The following CFAP20DC variants were observed in gnomAD, a reference collection of about 807,000 sequenced individuals.
The protein encoded by CFAP20DC is CFAP20 domain containing.
A neutral mutation model predicts 101.7 loss-of-function variants in CFAP20DC; 84 were observed. The ratio of observed to expected loss-of-function variants is 0.83; its 90% CI spans 0.69 to 0.99. The LOEUF (loss-of-function observed/expected upper bound fraction) is 0.99, where lower values mean the gene tolerates loss of function less well. Among genes scored for constraint, CFAP20DC ranks in the 50% least tolerant of loss-of-function variants. The pLI, the probability that CFAP20DC is intolerant of heterozygous loss-of-function variation, is 0.00. For missense variants in CFAP20DC, 1,007 were observed against 970.3 expected (o/e 1.04, Z -0.50); for synonymous variants, 359 against 351.2 (o/e 1.02, Z -0.25).
In CFAP20DC at chr3:58,791,306, A is replaced by T. The variant is rs9882787; in HGVS notation, c.2237+15089T>A. On this transcript the variant is annotated intron_variant, in intron 15 of 16. Coordinates refer to ENST00000482387, the MANE Select transcript of CFAP20DC (RefSeq NM_001394063.1). ...TGCCAGGCCCTATGCAAAACATGTT[A>T]TGAGTATTATTTCATTTAATCTTTG... is the stretch of plus-strand genomic sequence containing the variant. 9.9e-3 allele frequency among the ~76,000 whole-genome samples: 1,501 copies of T among 152,292 alleles called. 23 individuals are homozygous for T. The highest frequency in any genetic ancestry group is 0.035 in the African/African-American group (1,458 of 41,556).
chr3:58,802,770 C>T (rs760441878), intron 15 of CFAP20DC, among the ~76,000 whole-genome samples: 2 of 152,154 alleles, frequency 1.3e-5, no homozygotes, highest in Non-Finnish European at 2.9e-5. Flanking sequence ...ATATGCAGCA[C>T]TTTAGCTATT....
chr3:58,814,846 G>C (rs1043281108), intron 14 of CFAP20DC, among the ~76,000 whole-genome samples: 41 of 150,532 alleles, frequency 2.7e-4, no homozygotes, highest in African/African-American at 8.9e-4. Context: ...CACTGCTCAA[G>C]GAAATAAAAG....
chr3:58,809,488 T>A (rs1304967962), intron 14 of CFAP20DC, among the ~76,000 whole-genome samples: 1 of 152,020 alleles, frequency 6.6e-6, no homozygotes, highest in Non-Finnish European at 1.5e-5. Flanking sequence ...GAAATAAAGA[T>A]GTTCTTTGAA....
At chr3:58,832,475 TA>T (rs933237183) in intron 13 of CFAP20DC, among the ~76,000 whole-genome samples, 7 of 152,118 alleles carry the variant, frequency 4.6e-5, no homozygotes, top group African/African-American at 1.7e-4. Context: ...GTTTTTTTTT[TA>T]AATTTGCCAT....
intron 3 of CFAP20DC, chr3:58,734,672 A>G (rs1242130169): frequency 2.3e-6 from 1 of 431,586 alleles, no homozygotes; most frequent in Non-Finnish European, 4.7e-6. Context: ...AGTTCCCTCT[A>G]ACTTGGTGAT....
chr3:58,984,126 G>A (rs2092676572), intron 4 of CFAP20DC, among the ~76,000 whole-genome samples: 1 of 152,210 alleles, frequency 6.6e-6, no homozygotes, highest in Non-Finnish European at 1.5e-5. Flanking sequence ...GAAGAATCCA[G>A]TTGGCAGGAC....
chr3:59,041,165 A>G (rs1486330120), intron 3 of CFAP20DC, among the ~76,000 whole-genome samples: 22 of 152,146 alleles, frequency 1.4e-4, no homozygotes, highest in Non-Finnish European at 1.5e-5. Context: ...AGAGAACAGC[A>G]GGATAAGTGA....
intron 13 of CFAP20DC, among the ~76,000 whole-genome samples, chr3:58,842,413 TG>T (rs746411179): frequency 6.0e-4 from 92 of 152,218 alleles, no homozygotes; most frequent in Middle Eastern, 3.4e-3. Flanking sequence ...CAGACGCACC[TG>T]GAAAATCGGG....
chr3:58,871,886 C>T (rs539841476), intron 7 of CFAP20DC, among the ~76,000 whole-genome samples: 6 of 152,130 alleles, frequency 3.9e-5, no homozygotes, highest in African/African-American at 1.4e-4. Flanking sequence ...TCCTGGCCCC[C>T]AAAACTCCCA....
intron 12 of CFAP20DC, among the ~76,000 whole-genome samples, chr3:58,855,537 C>CGT (rs1559714410): frequency 2.0e-5 from 3 of 151,724 alleles, no homozygotes; most frequent in Non-Finnish European, 1.5e-5. Context: ...CACGTGCACA[C>CGT]ATGTTTATTG....
Position 59,002,886 on chromosome 3 carries a change from A to G in CFAP20DC, c.278+36671T>C, listed in dbSNP as rs1328622613. Among the ~76,000 whole-genome samples, 1 of 152,224 alleles carries G rather than the reference A, an allele frequency of 6.6e-6. No individual in the cohort carries two copies. The highest frequency in any genetic ancestry group is 2.4e-5 in the African/African-American group (1 of 41,456). ...AGGCATTTTCATTTTCTCCTTTTAC[A>G]TCTAAAGAAACTGAGGCTCCCAGAA... is the stretch of plus-strand genomic sequence containing the variant. On this transcript the variant is annotated intron_variant, in intron 4 of 16. Transcript: ENST00000482387. This position sits in a 1 kb window ranked among gnomAD's most constrained non-coding sequence, Gnocchi z 4.5.
In CFAP20DC at chr3:58,816,490, G is replaced by C. The variant is rs906667223; in HGVS notation, c.2176-10034C>G. Among the ~76,000 whole-genome samples the C allele has an allele frequency of 7.9e-5, 12 of 152,298 alleles. No individual in the cohort carries two copies. In the East Asian group the frequency reaches 2.1e-3, roughly 27 times the overall value. ...ATTGCCTCACCTGGGAAGCGCAAGG[G>C]GTCAGGGAGTTCCCTTTCCGAGTCA... On this transcript the variant is annotated intron_variant, in intron 14 of 16. Coordinates refer to ENST00000482387, the MANE Select transcript of CFAP20DC (RefSeq NM_001394063.1).
At chr3:58,878,211 C>G (rs1420443978) in intron 7 of CFAP20DC, among the ~76,000 whole-genome samples, 1 of 152,164 alleles carries the variant, frequency 6.6e-6, no homozygotes, top group Non-Finnish European at 1.5e-5. Context: ...ATTAAAATGT[C>G]TTCAACTTTT....
intron 4 of CFAP20DC, among the ~76,000 whole-genome samples, chr3:58,958,417 A>G (rs1375117089): frequency 6.6e-6 from 1 of 152,188 alleles, no homozygotes; most frequent in Non-Finnish European, 1.5e-5. Flanking sequence ...TTGTTGATCT[A>G]TTCACCAAAT....
chr3:58,814,829 T>C (rs2074981643), intron 14 of CFAP20DC, among the ~76,000 whole-genome samples: 1 of 150,890 alleles, frequency 6.6e-6, no homozygotes, highest in South Asian at 2.1e-4. Context: ...CAAGGAGAAC[T>C]ACAAACCACT....
intron 5 of CFAP20DC, among the ~76,000 whole-genome samples, chr3:58,936,752 C>T (rs1207466504): frequency 2.0e-5 from 3 of 151,982 alleles, no homozygotes; most frequent in Non-Finnish European, 4.4e-5. Context: ...GGAAGGGGAA[C>T]ATCACACTCT....
At chr3:58,847,461 A>T (rs1251952549) in intron 13 of CFAP20DC, among the ~76,000 whole-genome samples, 65 of 149,670 alleles carry the variant, frequency 4.3e-4, no homozygotes, top group African/African-American at 1.2e-3. Flanking sequence ...TCAAAACCAC[A>T]ATGAGATACC....
intron 15 of CFAP20DC, among the ~76,000 whole-genome samples, chr3:58,758,657 T>C (rs2069198729): frequency 6.6e-6 from 1 of 152,162 alleles, no homozygotes; most frequent in Non-Finnish European, 1.5e-5. Context: ...CATTTAGCAT[T>C]AGGTATATCT....
intron 7 of CFAP20DC, among the ~76,000 whole-genome samples, chr3:58,884,145 C>G (rs1459937680): frequency 2.0e-5 from 3 of 152,128 alleles, no homozygotes; most frequent in African/African-American, 7.2e-5. Flanking sequence ...GTGGCTCTCC[C>G]TTCTAGACTG....
Sources: gnomAD v4.1 joint callset for allele counts (sites outside exome capture counted in the v4.1 genomes callset) on GRCh38, gnomAD v4.1.1 for gene constraint, Gnocchi (gnomAD v3.1) non-coding constraint, MANE v1.5 for transcripts, NCBI Gene and HGNC (gene_info 2026-07-23, HGNC 2026-07-21) for gene names.